JPH1: variants seen among roughly 807,000 people sequenced by gnomAD.
JPH1 encodes the protein junctophilin-1.
In JPH1, 12 loss-of-function variants were observed where a neutral mutation model predicts 53.6. The ratio of observed to expected loss-of-function variants is 0.22; its 90% CI spans 0.14 to 0.36. The LOEUF is 0.36. Among genes scored for constraint, JPH1 ranks in the 10% least tolerant of loss-of-function variants. JPH1 has a pLI of 1.00. For synonymous variants in JPH1, 375 were observed against 363.8 expected (o/e 1.03, Z -0.35); for missense variants, 808 against 905.5 (o/e 0.89, Z 1.38).
Position 74,321,015 on chromosome 8 carries a change from C to G in JPH1, c.273G>C (p.Lys91Asn). The G allele has an allele frequency of 6.2e-7, 1 of 1,613,160 alleles. No individual in the cohort carries two copies. The highest frequency in any genetic ancestry group is 8.5e-7 in the Non-Finnish European group (1 of 1,179,630). Reference protein sequence around the residue: ...MYRGEWSHGFKGRYGVRQSLC... With the variant: ...MYRGEWSHGFNGRYGVRQSLC... Reference sequence around the variant, plus strand: ...GGCTCTGCCGGACCCCGTAGCGCCCCTTGAAACCATGTGACCACTCCCCCC... The same window carrying G: ...GGCTCTGCCGGACCCCGTAGCGCCCGTTGAAACCATGTGACCACTCCCCCC... The change falls in exon 1 of 6, where the codon AAG becomes AAC. Residue 91 changes from lysine to asparagine, a missense_variant. Lys to Asn is a moderately conservative substitution (Grantham distance 94). Coordinates refer to ENST00000342232, the MANE Select transcript of JPH1 (RefSeq NM_020647.4). The surrounding 1 kb of genome is among the most constrained non-coding windows in gnomAD (Gnocchi z 4.3).
chr8:74,274,961 C>A (rs143514209), intron 2 of JPH1, among the ~76,000 whole-genome samples: 2 of 152,248 alleles, frequency 1.3e-5, no homozygotes, highest in African/African-American at 4.8e-5. Context: ...ACCAAGGTTT[C>A]GGCCTATTTA....
chr8:74,255,425 C>T (rs746118170), intron 3 of JPH1, among the ~76,000 whole-genome samples: 1 of 152,032 alleles, frequency 6.6e-6, no homozygotes, highest in Non-Finnish European at 1.5e-5. Flanking sequence ...CATGTTAGAC[C>T]TGAAACCATA....
At chr8:74,270,847 G>A (rs1183682928) in intron 2 of JPH1, among the ~76,000 whole-genome samples, 4 of 152,064 alleles carry the variant, frequency 2.6e-5, no homozygotes, top group Admixed American at 2.0e-4. Flanking sequence ...ATCTCCTCTA[G>A]ACACACTTTG....
At chr8:74,297,412 G>C (rs1337543484) in intron 2 of JPH1, among the ~76,000 whole-genome samples, 1 of 152,206 alleles carries the variant, frequency 6.6e-6, no homozygotes, top group Non-Finnish European at 1.5e-5. Context: ...TAAAGATACA[G>C]ATGGTACCAC....
chr8:74,321,469 G>A lies in JPH1; in HGVS notation c.-182C>T. The A allele has an allele frequency of 1.9e-6, 1 of 535,994 alleles. No individual in the cohort carries two copies. Among genetic ancestry groups the A allele is most frequent in the Non-Finnish European group, 3.0e-6 (1 of 332,698 alleles). The allele number at this position is 535,994 out of a possible 1,614,324, so 33.2% of individuals were successfully genotyped here. The stretch of plus-strand genomic sequence containing the variant: ...CCGTCCTCCCTCCTCTTTTGCCGCC[G>A]CCACCGCCGCCTTCCTCCTCCTCCT... On this transcript the variant is annotated 5_prime_UTR_variant, in exon 1 of 6. Transcript: ENST00000342232. The surrounding 1 kb of genome is among the most constrained non-coding windows in gnomAD (Gnocchi z 4.3).
intron 2 of JPH1, among the ~76,000 whole-genome samples, chr8:74,288,232 T>C (rs1449874923): frequency 6.6e-6 from 1 of 151,940 alleles, no homozygotes; most frequent in African/African-American, 2.4e-5. Context: ...CGAGGACAGG[T>C]TTCATCTTCC....
At chr8:74,278,426 C>A (rs1021687032) in intron 2 of JPH1, among the ~76,000 whole-genome samples, 2 of 152,194 alleles carry the variant, frequency 1.3e-5, no homozygotes, top group Non-Finnish European at 2.9e-5. Context: ...GCCCCACTCA[C>A]CATCACCCTT....
chr8:74,251,452 G>A (rs1173039087), intron 3 of JPH1, among the ~76,000 whole-genome samples: 2 of 152,130 alleles, frequency 1.3e-5, no homozygotes, highest in African/African-American at 2.4e-5. Flanking sequence ...ATGACTCACT[G>A]TGTCACTCCC....
chr8:74,281,190 C>A (rs1807008218), intron 2 of JPH1, among the ~76,000 whole-genome samples: 2 of 152,186 alleles, frequency 1.3e-5, no homozygotes, highest in African/African-American at 4.8e-5. Flanking sequence ...TTAAAATGAA[C>A]TTTCACTAAA....
chr8:74,252,603 T>C (rs1025181369), intron 3 of JPH1, among the ~76,000 whole-genome samples: 3 of 152,078 alleles, frequency 2.0e-5, no homozygotes, highest in African/African-American at 4.8e-5. Context: ...GACTGGCAAA[T>C]TGGATAAAGA....
At chr8:74,283,875 G>A (rs2131422700) in intron 2 of JPH1, among the ~76,000 whole-genome samples, 1 of 152,294 alleles carries the variant, frequency 6.6e-6, no homozygotes, top group African/African-American at 2.4e-5. Flanking sequence ...TAGACTGGCA[G>A]AATATAAACA....
chr8:74,301,369 A>G (rs916408597), intron 2 of JPH1, among the ~76,000 whole-genome samples: 8 of 152,214 alleles, frequency 5.3e-5, no homozygotes, highest in African/African-American at 1.9e-4. Context: ...TATCCTCCCG[A>G]TGCACTTTCC....
chr8:74,251,342 C>T (rs1248879937), intron 3 of JPH1, among the ~76,000 whole-genome samples: 1 of 152,172 alleles, frequency 6.6e-6, no homozygotes, highest in African/African-American at 2.4e-5. Flanking sequence ...GTTCTTAAAG[C>T]CATCCTATTA....
intron 3 of JPH1, among the ~76,000 whole-genome samples, chr8:74,251,252 C>T (rs973483301): frequency 6.6e-5 from 10 of 152,182 alleles, no homozygotes; most frequent in African/African-American, 2.4e-4. Context: ...CTCTGTGACT[C>T]TTTTTTCTAT....
chr8:74,237,613 G>C (rs963450292), intron 4 of JPH1, among the ~76,000 whole-genome samples: 2 of 152,190 alleles, frequency 1.3e-5, no homozygotes, highest in African/African-American at 4.8e-5. Context: ...CACCCTAACA[G>C]GGCCTACGAA....
intron 2 of JPH1, among the ~76,000 whole-genome samples, chr8:74,300,097 A>G (rs536011103): frequency 9.2e-5 from 14 of 152,366 alleles, no homozygotes; most frequent in African/African-American, 3.4e-4. Context: ...AAGAGTTAGA[A>G]TAATTTTTCA....
chr8:74,319,246 T>C (rs1442378365), intron 1 of JPH1, among the ~76,000 whole-genome samples: 1 of 152,158 alleles, frequency 6.6e-6, no homozygotes, highest in Non-Finnish European at 1.5e-5. Context: ...GGAGACGATT[T>C]TTAACCTTCC....
intron 2 of JPH1, among the ~76,000 whole-genome samples, chr8:74,313,648 T>C (rs1171950681): frequency 1.3e-5 from 2 of 151,916 alleles, no homozygotes; most frequent in Non-Finnish European, 2.9e-5. Context: ...GGAAATTTCA[T>C]ATGGCTCCAT....
chr8:74,244,647 G>A lies in JPH1; in HGVS notation c.1787C>T (p.Thr596Ile), dbSNP rs759842759. The A allele has an allele frequency of 3.1e-6, 5 of 1,614,092 alleles. No individual in the cohort carries two copies. The African/African-American group carries it at 6.7e-5, about 22-fold the overall frequency. Reference protein sequence around the residue: ...ANKWSPSKSVTKPVAKESKAE... With the variant: ...ANKWSPSKSVIKPVAKESKAE... ...TTTGCTTTCTTTGGCAACTGGTTTT[G>A]TCACAGATTTGGAGGGACTCCACTT... is the stretch of plus-strand genomic sequence containing the variant. The change falls in exon 4 of 6, where the codon ACA (threonine) becomes ATA (isoleucine). Residue 596 changes from threonine to isoleucine, a missense_variant. Around this residue, in one of 2 missense-constraint regions of JPH1, gnomAD observed 756 missense variants for 811.9 expected, o/e 0.93. Coordinates refer to ENST00000342232, the MANE Select transcript of JPH1 (RefSeq NM_020647.4).
Sources: gnomAD v4.1 joint callset for allele counts (sites outside exome capture counted in the v4.1 genomes callset) on GRCh38, gnomAD v4.1.1 for gene constraint, gnomAD v4.1.1 regional missense constraint, Gnocchi (gnomAD v3.1) non-coding constraint, MANE v1.5 for transcripts, NCBI Gene and HGNC (gene_info 2026-07-23, HGNC 2026-07-21) for gene names.